The following NALF1 variants were observed in gnomAD, a reference collection of about 807,000 sequenced individuals.
NALF1 encodes family with sequence similarity 155 member A.
Under a neutral mutation model 48.4 loss-of-function variants are expected in NALF1, and 3 were observed. The ratio of observed to expected loss-of-function variants is 0.06; its 90% CI spans 0.03 to 0.16. The LOEUF (loss-of-function observed/expected upper bound fraction) is 0.16. NALF1 is among the 10% of genes least tolerant of loss of function. The pLI is 1.00. For synonymous variants in NALF1, 262 were observed against 245.7 expected (o/e 1.07, Z -0.62); for missense variants, 526 against 571.5 (o/e 0.92, Z 0.81).
At chr13:107,658,939 C>A (rs772175719) in intron 1 of NALF1, among the ~76,000 whole-genome samples, 15 of 151,978 alleles carry the variant, frequency 9.9e-5, no homozygotes, top group Non-Finnish European at 1.9e-4. Flanking sequence ...GAAATGTGAC[C>A]GCTTCTCCAG....
chr13:107,684,831 A>T (rs916638414), intron 1 of NALF1, among the ~76,000 whole-genome samples: 1 of 152,288 alleles, frequency 6.6e-6, no homozygotes, highest in Middle Eastern at 3.4e-3. Context: ...AATAACACCT[A>T]TCCCTCTCTT....
chr13:107,401,811 A>C (rs117449011), intron 1 of NALF1, among the ~76,000 whole-genome samples: 1,855 of 152,334 alleles, frequency 0.012, 17 homozygotes, highest in Non-Finnish European at 0.019. Context: ...ATAAAGTCAC[A>C]ATCAAACCCA....
rs1882521135 is a variant in NALF1 at position 107,334,456 on chromosome 13, T to A, written c.916-123701A>T. ...AATCAGCTCTGGCTCTCTAGAAGGA[T>A]CCTTCATATCTTCTTTGATTTGCAC... is the stretch of plus-strand genomic sequence containing the variant. On this transcript the variant is annotated intron_variant, in intron 1 of 2. Transcript: ENST00000375915. 5.3e-5 allele frequency among the ~76,000 whole-genome samples: 8 copies of A among 152,150 alleles called. No homozygotes were observed. The South Asian group carries it at 1.7e-3, about 32-fold the overall frequency.
At chr13:107,345,940 T>A (rs1160786624) in intron 1 of NALF1, among the ~76,000 whole-genome samples, 1 of 151,898 alleles carries the variant, frequency 6.6e-6, no homozygotes, top group South Asian at 2.1e-4. Context: ...AAGGAACATA[T>A]AAATTAAGAA....
intron 1 of NALF1, among the ~76,000 whole-genome samples, chr13:107,633,880 G>C (rs1029485219): frequency 1.4e-5 from 2 of 142,394 alleles, no homozygotes; most frequent in East Asian, 2.0e-4. Flanking sequence ...ATGTGTGTGT[G>C]TATATATATA....
intron 1 of NALF1, among the ~76,000 whole-genome samples, chr13:107,666,797 A>G (rs1225526098): frequency 1.3e-5 from 2 of 152,018 alleles, no homozygotes; most frequent in African/African-American, 2.4e-5. Context: ...TAAAGTATCA[A>G]TAATTTCACG....
At chr13:107,220,041 C>A (rs1177477370) in intron 1 of NALF1, among the ~76,000 whole-genome samples, 1 of 149,316 alleles carries the variant, frequency 6.7e-6, no homozygotes, top group African/African-American at 2.5e-5. Context: ...GATTGCCACC[C>A]TACTTTACCA....
intron 1 of NALF1, among the ~76,000 whole-genome samples, chr13:107,762,486 C>T (rs192467607): frequency 1.3e-5 from 2 of 151,952 alleles, no homozygotes; most frequent in Non-Finnish European, 2.9e-5. Context: ...CATGGGAGAG[C>T]ACCCCAGGCA....
intron 1 of NALF1, among the ~76,000 whole-genome samples, chr13:107,218,624 A>C (rs12868421): frequency 0.028 from 2,843 of 100,386 alleles, 41 homozygotes; most frequent in Non-Finnish European, 0.047. Context: ...AACAAACAAA[A>C]CAAACAAACA....
intron 1 of NALF1, among the ~76,000 whole-genome samples, chr13:107,764,073 G>A (rs1209477832): frequency 6.6e-6 from 1 of 152,132 alleles, no homozygotes; most frequent in Non-Finnish European, 1.5e-5. Context: ...TGTATCACTG[G>A]TCACTCTTTT....
At chr13:107,667,648 G>A (rs979745021) in intron 1 of NALF1, among the ~76,000 whole-genome samples, 2 of 152,008 alleles carry the variant, frequency 1.3e-5, no homozygotes, top group Admixed American at 6.6e-5. Context: ...TATGTTTTCC[G>A]AGTTTAAAGT....
At chr13:107,413,972 C>T (rs185585625) in intron 1 of NALF1, among the ~76,000 whole-genome samples, 102 of 151,826 alleles carry the variant, frequency 6.7e-4, no homozygotes, top group African/African-American at 2.1e-3. Context: ...TTTTTAGTAG[C>T]GACAGGGTTT....
In NALF1 at chr13:107,511,322, T is replaced by C. The variant is rs1379067997; in HGVS notation, c.916-300567A>G. On this transcript the variant is annotated intron_variant, in intron 1 of 2. Coordinates refer to ENST00000375915, the MANE Select transcript of NALF1 (RefSeq NM_001080396.3). ...TGGCTTTAAAATATATGACATGTGA[T>C]TGGGGTCACTAGAAACTCAAATATT... Among the ~76,000 whole-genome samples, 6 of 152,276 alleles carry C rather than the reference T, an allele frequency of 3.9e-5. No homozygotes were observed. The East Asian group carries it at 7.7e-4, about 20-fold the overall frequency.
chr13:107,808,948 T>C (rs1878900189), intron 1 of NALF1, among the ~76,000 whole-genome samples: 1 of 152,136 alleles, frequency 6.6e-6, no homozygotes, highest in Admixed American at 6.6e-5. Flanking sequence ...CAGACCTGCT[T>C]ATATGAACTT....
chr13:107,341,880 A>AACACACACACAC (rs57041785), intron 1 of NALF1, among the ~76,000 whole-genome samples: 55 of 146,798 alleles, frequency 3.7e-4, no homozygotes, highest in African/African-American at 5.2e-4. Context: ...TGCACATGCA[A>AACACACACACAC]ACACACACAC....
At chr13:107,641,669 TG>T (rs1880160515) in intron 1 of NALF1, among the ~76,000 whole-genome samples, 1 of 152,148 alleles carries the variant, frequency 6.6e-6, no homozygotes, top group African/African-American at 2.4e-5. Context: ...ATATTACTAT[TG>T]TAAGGCCTTG....
chr13:107,404,697 C>A (rs933815264), intron 1 of NALF1, among the ~76,000 whole-genome samples: 12 of 152,072 alleles, frequency 7.9e-5, no homozygotes, highest in African/African-American at 2.9e-4. Context: ...AAGTTTGCTA[C>A]AAAATGAGTT....
intron 1 of NALF1, among the ~76,000 whole-genome samples, chr13:107,286,662 T>C (rs188051987): frequency 6.7e-6 from 1 of 149,692 alleles, no homozygotes; most frequent in Non-Finnish European, 1.5e-5. Context: ...TGAATGGATA[T>C]ATACAAATTG....
chr13:107,634,578 A>T (rs1457526570), intron 1 of NALF1, among the ~76,000 whole-genome samples: 1 of 152,188 alleles, frequency 6.6e-6, no homozygotes, highest in Non-Finnish European at 1.5e-5. Flanking sequence ...GTGGGACTTC[A>T]GCTAATGTGC....
Sources: allele counts gnomAD v4.1 joint callset (sites outside exome capture counted in the v4.1 genomes callset), GRCh38; gene constraint gnomAD v4.1.1; transcripts MANE v1.5; gene names NCBI Gene and HGNC (gene_info 2026-07-23, HGNC 2026-07-21).